PRELID2: variants seen among roughly 807,000 people sequenced by gnomAD.
PRELID2 encodes the protein PRELI domain-containing protein 2.
In PRELID2, 25 loss-of-function variants were observed where a neutral mutation model predicts 28.4. That is an observed-to-expected ratio of 0.88 (90% CI 0.64 to 1.23). PRELID2 has a LOEUF of 1.23. PRELID2 is among the 50% of genes most tolerant of loss of function. The pLI is 0.00. For synonymous variants in PRELID2, 76 were observed against 71.6 expected (o/e 1.06, Z -0.31); for missense variants, 201 against 214.4 (o/e 0.94, Z 0.39).
At chr5:145,747,152 A>G (rs1231920593) in intron 1 of PRELID2, among the ~76,000 whole-genome samples, 4 of 152,022 alleles carry the variant, frequency 2.6e-5, no homozygotes, top group Admixed American at 6.6e-5. Flanking sequence ...CTAATCCAAA[A>G]GCTAGCAGAA....
chr5:145,553,945 C>T (rs981623657), intron 1 of PRELID2, among the ~76,000 whole-genome samples: 6 of 151,986 alleles, frequency 3.9e-5, no homozygotes, highest in Non-Finnish European at 7.4e-5. Context: ...AGTGAAGGAT[C>T]GAGCATGGTG....
chr5:145,344,037 C>T, the PRELID2 span, among the ~76,000 whole-genome samples: 1 of 151,784 alleles, frequency 6.6e-6, no homozygotes, highest in East Asian at 1.9e-4. Context: ...AAAGGAAAAT[C>T]CCAGGACCGG....
At chr5:145,296,475 A>G in the PRELID2 span, among the ~76,000 whole-genome samples, 1 of 151,854 alleles carries the variant, frequency 6.6e-6, no homozygotes, top group African/African-American at 2.4e-5. Flanking sequence ...GTTTACTGAG[A>G]ATGATGATTT....
intron 1 of PRELID2, among the ~76,000 whole-genome samples, chr5:145,535,729 A>T (rs914582303): frequency 6.6e-6 from 1 of 151,930 alleles, no homozygotes; most frequent in African/African-American, 2.4e-5. Context: ...CTTGCTCTAA[A>T]GATGAGCCAA....
At chr5:145,361,391 A>G in the PRELID2 span, among the ~76,000 whole-genome samples, 2 of 152,180 alleles carry the variant, frequency 1.3e-5, no homozygotes, top group African/African-American at 2.4e-5. Flanking sequence ...CACAATTTTC[A>G]TGATGCTCCC....
At chr5:145,713,619 AAATATAT>A (rs1422750462) in intron 1 of PRELID2, among the ~76,000 whole-genome samples, 1 of 143,128 alleles carries the variant, frequency 7.0e-6, no homozygotes, top group Non-Finnish European at 1.5e-5. Flanking sequence ...TATATATAGT[AAATATAT>A]AATATATATT....
At chr5:145,387,787 C>T in the PRELID2 span, among the ~76,000 whole-genome samples, 1 of 152,100 alleles carries the variant, frequency 6.6e-6, no homozygotes, top group Non-Finnish European at 1.5e-5. Context: ...CAAAAATTAG[C>T]TGGGCATGGT....
At chr5:145,563,299 G>A (rs1258910186) in intron 1 of PRELID2, among the ~76,000 whole-genome samples, 1 of 152,234 alleles carries the variant, frequency 6.6e-6, no homozygotes, top group African/African-American at 2.4e-5. Context: ...CCTGGAGAGT[G>A]AAGTCAATAA....
intron 1 of PRELID2, among the ~76,000 whole-genome samples, chr5:145,508,134 C>T (rs369043460): frequency 1.3e-5 from 2 of 152,054 alleles, no homozygotes; most frequent in African/African-American, 2.4e-5. Context: ...AGCGATAGTG[C>T]GAATCTATAA....
chr5:145,682,577 T>A (rs897830606), intron 1 of PRELID2, among the ~76,000 whole-genome samples: 3 of 152,156 alleles, frequency 2.0e-5, no homozygotes, highest in Admixed American at 6.6e-5. Flanking sequence ...GTGCACCCAG[T>A]GGCTCACAGC....
At chr5:145,777,951 G>T (rs1758519237) in intron 5 of PRELID2, among the ~76,000 whole-genome samples, 1 of 152,186 alleles carries the variant, frequency 6.6e-6, no homozygotes, top group Admixed American at 6.5e-5. Context: ...ACCATGAATG[G>T]CAGCAGGAGG....
chr5:145,624,659 T>C (rs1224412399), intron 1 of PRELID2, among the ~76,000 whole-genome samples: 2 of 152,166 alleles, frequency 1.3e-5, no homozygotes, highest in Non-Finnish European at 2.9e-5. Flanking sequence ...AAATAGAGAA[T>C]ATATGTATAA....
chr5:145,692,804 A>C (rs970250930), intron 1 of PRELID2, among the ~76,000 whole-genome samples: 1 of 152,174 alleles, frequency 6.6e-6, no homozygotes, highest in African/African-American at 2.4e-5. Flanking sequence ...TTTAATGTTA[A>C]GTATACAGAT....
At chr5:145,428,794 T>G in the PRELID2 span, among the ~76,000 whole-genome samples, 2 of 152,068 alleles carry the variant, frequency 1.3e-5, no homozygotes, top group Non-Finnish European at 2.9e-5. Context: ...GGTAGAAATT[T>G]GAAAGAAATA....
At chr5:145,740,952 C>A (rs1463256491) in intron 1 of PRELID2, among the ~76,000 whole-genome samples, 1 of 33,118 alleles carries the variant, frequency 3.0e-5, no homozygotes, top group African/African-American at 7.0e-5. Flanking sequence ...ATATATTTAT[C>A]TATAAATAAA....
the PRELID2 span, among the ~76,000 whole-genome samples, chr5:145,422,116 G>C: frequency 5.0e-5 from 7 of 140,842 alleles, no homozygotes; most frequent in Non-Finnish European, 9.3e-5. Flanking sequence ...TATAATTTCT[G>C]TTCTTTTACA....
chr5:145,421,475 T>C, the PRELID2 span, among the ~76,000 whole-genome samples: 1 of 150,566 alleles, frequency 6.6e-6, no homozygotes, highest in Admixed American at 6.7e-5. Context: ...AGTGTATGTG[T>C]CCAGGAATTT....
At chr5:145,822,347 T>C (rs1234725389) in intron 2 of PRELID2, among the ~76,000 whole-genome samples, 1 of 152,190 alleles carries the variant, frequency 6.6e-6, no homozygotes, top group Non-Finnish European at 1.5e-5. Context: ...AATCAGGTGC[T>C]AAATAATTTA....
At chr5:145,773,087 C>T (rs1417447847) in intron 5 of PRELID2, among the ~76,000 whole-genome samples, 1 of 152,102 alleles carries the variant, frequency 6.6e-6, no homozygotes, top group Non-Finnish European at 1.5e-5. Flanking sequence ...CATTATAAAG[C>T]TTTCTCTCTC....
Sources: allele counts gnomAD v4.1 joint callset (sites outside exome capture counted in the v4.1 genomes callset), GRCh38; gene constraint gnomAD v4.1.1; transcripts MANE v1.5; gene names NCBI Gene and HGNC (gene_info 2026-07-23, HGNC 2026-07-21).